EMSY: variants seen among roughly 807,000 people sequenced by gnomAD.
The protein encoded by EMSY is EMSY transcriptional repressor, BRCA2 interacting, also known as BRCA2-interacting transcriptional repressor EMSY.
EMSY carries 26 observed loss-of-function variants against 134.6 expected under a neutral mutation model. The ratio of observed to expected loss-of-function variants is 0.19; its 90% confidence interval spans 0.14 to 0.27. The LOEUF (loss-of-function observed/expected upper bound fraction) is 0.27. Among genes scored for constraint, EMSY ranks in the 10% least tolerant of loss-of-function variants. EMSY has a pLI of 1.00. For synonymous variants in EMSY, 579 were observed against 577.8 expected (o/e 1.00, Z -0.03); for missense variants, 1,305 against 1,611.4 (o/e 0.81, Z 3.26).
At chr11:76,529,417 A>G (rs1216723158) in intron 14 of EMSY, among the ~76,000 whole-genome samples, 1 of 152,198 alleles carries the variant, frequency 6.6e-6, no homozygotes, top group Non-Finnish European at 1.5e-5. Flanking sequence ...TTCCTTGATT[A>G]GTCTTACATG....
At chr11:76,516,107 G>A (rs759908316) in intron 10 of EMSY, 35 bp from the exon 12 acceptor site, 2 of 1,555,468 alleles carry the variant, frequency 1.3e-6, no homozygotes, top group Admixed American at 1.7e-5. Flanking sequence ...TGTAAGCAAT[G>A]ACAAGTTTTT....
At chr11:76,525,335 A>G (rs1337645950) in intron 12 of EMSY, among the ~76,000 whole-genome samples, 1 of 152,228 alleles carries the variant, frequency 6.6e-6, no homozygotes, top group East Asian at 1.9e-4. Context: ...TAATTACAGC[A>G]GATAGTTAAA....
intron 19 of EMSY, 86 bp downstream of exon 20, chr11:76,544,908 A>C (rs1951586773): frequency 7.1e-7 from 1 of 1,400,316 alleles, no homozygotes; most frequent in African/African-American, 1.4e-5. Flanking sequence ...TCATGATATC[A>C]GTGCTTTCTC....
rs557140463 is a variant in EMSY at position 76,502,453 on chromosome 11, TA to T, written c.1363+5996del. 2.6e-3 allele frequency among the ~76,000 whole-genome samples: 330 copies of T among 126,234 alleles called. 1 individual carries two copies. Among genetic ancestry groups the T allele is most frequent in the Non-Finnish European group, 3.8e-3 (225 of 59,092 alleles). 82.8% of individuals were successfully genotyped at this position (126,234 alleles called of 152,430 possible). A position where few individuals can be genotyped will look rare whatever the true frequency, so the allele number is the denominator to read the frequency against. On this transcript the variant is annotated intron_variant, in intron 9 of 20. Transcript: ENST00000334736. Reference sequence around the variant, plus strand: ...CAGATGACATGATCCTTTATATTATTAAAAAAAAAAAAGCATCCAGATTGAA... The same window carrying T: ...CAGATGACATGATCCTTTATATTATTAAAAAAAAAAAGCATCCAGATTGAA...
chr11:76,534,724 C>G (rs1215196795), intron 14 of EMSY, among the ~76,000 whole-genome samples: 2 of 152,088 alleles, frequency 1.3e-5, no homozygotes, highest in African/African-American at 4.8e-5. Context: ...TTCAAAGCAG[C>G]CTCTTACTTT....
chr11:76,552,192 A>T (rs181406072), downstream of EMSY: 1 of 152,214 alleles, frequency 6.6e-6, no homozygotes, highest in Admixed American at 6.5e-5. Flanking sequence ...TTAATTGAGC[A>T]TCTTCTGTAT....
intron 6 of EMSY, among the ~76,000 whole-genome samples, chr11:76,463,412 A>G (rs1948210178): frequency 2.0e-5 from 3 of 151,572 alleles, no homozygotes; most frequent in African/African-American, 7.3e-5. Context: ...TCATGAGGTC[A>G]GGAGATCGAG....
At chr11:76,453,200 A>C in intron 3 of EMSY, 114 bp from the exon 4 acceptor site, 1 of 827,150 alleles carries the variant, frequency 1.2e-6, no homozygotes, top group Non-Finnish European at 1.9e-6. Flanking sequence ...ATATCTTTTC[A>C]CAAAGCAATC....
intron 8 of EMSY, among the ~76,000 whole-genome samples, chr11:76,487,451 T>G (rs528239755): frequency 6.6e-6 from 1 of 152,362 alleles, no homozygotes; most frequent in South Asian, 2.1e-4. Flanking sequence ...ACTACTGTGC[T>G]GCTAGGTTAC....
At position 76,545,783 on chromosome 11, in the gene EMSY, C is replaced by T. The variant is rs1252046763; in HGVS notation, c.3274-14C>T. On this transcript the variant is annotated splice_polypyrimidine_tract_variant and intron_variant, in intron 19 of 20. Transcript: ENST00000334736. ...GATGTAGCTATAACACACACAACCCCAATTTATTTTCAGGTGGAGCAGCCA... is the reference window on the plus strand; with the variant it reads ...GATGTAGCTATAACACACACAACCCTAATTTATTTTCAGGTGGAGCAGCCA... The T allele has an allele frequency of 7.6e-6, 12 of 1,588,124 alleles. No homozygotes were observed. Among genetic ancestry groups the T allele is most frequent in the Non-Finnish European group, 1.0e-5 (12 of 1,167,898 alleles).
At chr11:76,472,461 C>T (rs774013128) in intron 7 of EMSY, 103 bp from the exon 9 acceptor site, 39 of 1,123,298 alleles carry the variant, frequency 3.5e-5, no homozygotes, top group Admixed American at 8.3e-5. Flanking sequence ...ATTGCTTCTT[C>T]GTTTTTCATA....
chr11:76,526,486 C>T (rs773790633), exon 13 of EMSY: 1 of 1,611,908 alleles, frequency 6.2e-7, no homozygotes, highest in South Asian at 1.1e-5. Context: ...TCAGACAGTG[C>T]CAACAGGAGC....
At chr11:76,449,269 G>A (rs1257089669) in intron 2 of EMSY, among the ~76,000 whole-genome samples, 1 of 152,164 alleles carries the variant, frequency 6.6e-6, no homozygotes, top group East Asian at 1.9e-4. Flanking sequence ...TGTGAAGGAG[G>A]TTGGGAAGCT....
At chr11:76,445,887 GT>G (rs1947365141) in intron 1 of EMSY, among the ~76,000 whole-genome samples, 1 of 152,186 alleles carries the variant, frequency 6.6e-6, no homozygotes, top group Admixed American at 6.5e-5. Flanking sequence ...GCGCAGTCCA[GT>G]TCTTCTTGCC....
At chr11:76,511,674 T>G (rs892775228) in intron 9 of EMSY, among the ~76,000 whole-genome samples, 2 of 152,162 alleles carry the variant, frequency 1.3e-5, no homozygotes, top group African/African-American at 4.8e-5. Context: ...TACTCCAGCC[T>G]GGAGACAGAG....
chr11:76,501,091 T>C (rs1183572383), intron 9 of EMSY, among the ~76,000 whole-genome samples: 1 of 152,256 alleles, frequency 6.6e-6, no homozygotes, highest in Non-Finnish European at 1.5e-5. Flanking sequence ...ATGTAAATGC[T>C]ATGTAGCTGT....
intron 8 of EMSY, among the ~76,000 whole-genome samples, chr11:76,479,476 G>A (rs1166815108): frequency 6.6e-6 from 1 of 152,180 alleles, no homozygotes; most frequent in African/African-American, 2.4e-5. Context: ...CAGGTTCCCC[G>A]CAATGCCCCA....
In EMSY at chr11:76,482,388, A is replaced by G. The variant is rs894656145; in HGVS notation, c.1108+9548A>G. Among the ~76,000 whole-genome samples, 6 of 152,322 alleles carry G rather than the reference A, an allele frequency of 3.9e-5. No homozygotes were observed. The South Asian group carries it at 1.0e-3, about 26-fold the overall frequency. ...CTTGCCAGCAAGGGAACAAAACTGG[A>G]CAGAGAATGAGTTTGATGAATTGAC... On this transcript the variant is annotated intron_variant, in intron 8 of 20. Transcript: ENST00000334736.
intron 11 of EMSY, among the ~76,000 whole-genome samples, chr11:76,518,503 G>T (rs1427070330): frequency 6.6e-6 from 1 of 151,460 alleles, no homozygotes; most frequent in African/African-American, 2.4e-5. Flanking sequence ...CTAGCTATAA[G>T]ACTAGAAGGC....
Sources: allele counts gnomAD v4.1 joint callset (sites outside exome capture counted in the v4.1 genomes callset), GRCh38; gene constraint gnomAD v4.1.1; transcripts MANE v1.5; gene names NCBI Gene and HGNC (gene_info 2026-07-23, HGNC 2026-07-21).